LEPR: variants seen among roughly 807,000 people sequenced by gnomAD.
LEPR encodes OB receptor.
A neutral mutation model predicts 114.7 loss-of-function variants in LEPR; 56 were observed. The observed-to-expected ratio is 0.49, with a 90% CI of 0.39 to 0.61. LEPR has a LOEUF of 0.61. Among genes scored for constraint, LEPR ranks in the 20% least tolerant of loss-of-function variants. The probability of loss-of-function intolerance (pLI) is 0.00; values close to 1 mark genes in which losing one functional copy is unlikely to be tolerated. For synonymous variants in LEPR, 443 were observed against 461.4 expected (o/e 0.96, Z 0.51); for missense variants, 1,202 against 1,352.9 (o/e 0.89, Z 1.75).
chr1:65,525,633 A>G, intron 2 of LEPR: 2 of 985,342 alleles, frequency 2.0e-6, no homozygotes, highest in Non-Finnish European at 2.4e-6. Flanking sequence ...GCTCCTGCTC[A>G]GCCCCACCTC....
chr1:65,489,867 T>C (rs1647773211), intron 2 of LEPR, among the ~76,000 whole-genome samples: 1 of 152,140 alleles, frequency 6.6e-6, no homozygotes. Context: ...TTCAGTTTTA[T>C]GGGTGAGAGG....
intron 2 of LEPR, among the ~76,000 whole-genome samples, chr1:65,551,746 A>G (rs1652386108): frequency 6.6e-6 from 1 of 152,030 alleles, no homozygotes; most frequent in Non-Finnish European, 1.5e-5. Flanking sequence ...GTCTTCTGCT[A>G]GCTTTTGAAT....
chr1:65,465,142 C>G (rs548839848), intron 2 of LEPR, among the ~76,000 whole-genome samples: 7 of 152,172 alleles, frequency 4.6e-5, no homozygotes, highest in South Asian at 2.1e-4. Flanking sequence ...GATATTTCCT[C>G]CTTTCTCTTG....
At chr1:65,571,021 C>T (rs1454632348) in intron 4 of LEPR, among the ~76,000 whole-genome samples, 1 of 152,080 alleles carries the variant, frequency 6.6e-6, no homozygotes, top group Non-Finnish European at 1.5e-5. Context: ...CTTTTAAGTA[C>T]ATTCCTTGTA....
chr1:65,453,796 G>A (rs1257693425), intron 2 of LEPR, among the ~76,000 whole-genome samples: 1 of 152,090 alleles, frequency 6.6e-6, no homozygotes, highest in Non-Finnish European at 1.5e-5. Flanking sequence ...TGTCTATTAG[G>A]TCCGCTTGGT....
intron 2 of LEPR, among the ~76,000 whole-genome samples, chr1:65,502,203 C>T (rs1648486077): frequency 6.6e-6 from 1 of 152,000 alleles, no homozygotes; most frequent in African/African-American, 2.4e-5. Context: ...TTAAGGTGAA[C>T]CCTAATGTAA....
chr1:65,569,312 C>T (rs1653988803), intron 3 of LEPR, among the ~76,000 whole-genome samples: 1 of 152,176 alleles, frequency 6.6e-6, no homozygotes, highest in South Asian at 2.1e-4. Context: ...AATTCGTATT[C>T]TGCATTAGTG....
At chr1:65,613,021 G>A (rs188562643) in intron 14 of LEPR, among the ~76,000 whole-genome samples, 39 of 152,232 alleles carry the variant, frequency 2.6e-4, no homozygotes, top group Admixed American at 2.0e-3. Flanking sequence ...AGGAGTAGGA[G>A]TCATGTTCCA....
At chr1:65,516,629 A>G (rs1238794070) in intron 2 of LEPR, among the ~76,000 whole-genome samples, 1 of 152,234 alleles carries the variant, frequency 6.6e-6, no homozygotes, top group Non-Finnish European at 1.5e-5. Context: ...TTTCTCTTCT[A>G]ATGTTTACTT....
chr1:65,482,006 A>T (rs138121380), intron 2 of LEPR, among the ~76,000 whole-genome samples: 300 of 152,188 alleles, frequency 2.0e-3, no homozygotes, highest in African/African-American at 7.1e-3. Context: ...AAGTTTAGAT[A>T]AGTTGTTGGA....
chr1:65,610,032 G>C lies in LEPR; in HGVS notation c.1838G>C (p.Cys613Ser). ...GCAGTCTATGCTGTTCAGGTGCGCT[G>C]TAAGAGGCTAGATGGACTGGGATAT... ...LCAVYAVQVR[C>S]KRLDGLGYWS... is the part of the protein sequence containing the mutation. The change falls in exon 13 of 20, where the codon TGT becomes TCT. Residue 613 changes from cysteine to serine, a missense_variant. Physicochemically the swap from Cys to Ser is moderately radical, Grantham distance 112 (BLOSUM62 -1). Coordinates refer to ENST00000349533, the MANE Select transcript of LEPR (RefSeq NM_002303.6). 1 of 1,614,228 alleles carries C rather than the reference G, an allele frequency of 6.2e-7. No individual in the cohort carries two copies.
chr1:65,610,354 T>C (rs1657089430), intron 14 of LEPR, 58 bp downstream of exon 14: 1 of 1,370,750 alleles, frequency 7.3e-7, no homozygotes, highest in Non-Finnish European at 1.0e-6. Flanking sequence ...AAAAATTTAC[T>C]TCATGGTCCA....
intron 2 of LEPR, among the ~76,000 whole-genome samples, chr1:65,530,904 C>A (rs138145083): frequency 6.6e-6 from 1 of 152,164 alleles, no homozygotes; most frequent in Non-Finnish European, 1.5e-5. Flanking sequence ...TCAACTCTCA[C>A]GTGAGTTATT....
chr1:65,625,629 G>T (rs952840863), intron 19 of LEPR, among the ~76,000 whole-genome samples: 8 of 152,098 alleles, frequency 5.3e-5, no homozygotes, highest in Non-Finnish European at 8.8e-5. Context: ...CGCTTATAAT[G>T]TGGGAACCTG....
chr1:65,580,489 G>A (rs776597953), intron 5 of LEPR, among the ~76,000 whole-genome samples: 7 of 152,242 alleles, frequency 4.6e-5, no homozygotes, highest in Non-Finnish European at 1.0e-4. Context: ...TTAAGGGAAA[G>A]CTTTGTTTGG....
intron 2 of LEPR, among the ~76,000 whole-genome samples, chr1:65,532,511 T>C (rs896583589): frequency 2.0e-5 from 3 of 152,118 alleles, no homozygotes; most frequent in Non-Finnish European, 4.4e-5. Flanking sequence ...AAAATATACA[T>C]CCACACAAAA....
chr1:65,480,673 A>G (rs1647214652), intron 2 of LEPR, among the ~76,000 whole-genome samples: 1 of 152,138 alleles, frequency 6.6e-6, no homozygotes, highest in African/African-American at 2.4e-5. Flanking sequence ...TATATTAAAG[A>G]TATATACATG....
rs995563279 is a variant in LEPR at position 65,618,531 on chromosome 1, A to G, written c.2395+385A>G. Among the ~76,000 whole-genome samples, 4 of 151,762 alleles carry G rather than the reference A, an allele frequency of 2.6e-5. No homozygotes were observed. The East Asian group carries it at 5.8e-4, about 22-fold the overall frequency. ...TTTTTGGTAGAGACAAGGTCTCACT[A>G]TGTTGCTCAGGCTGGTCTTGAACTC... On this transcript the variant is annotated intron_variant, in intron 16 of 19. Coordinates refer to ENST00000349533, the MANE Select transcript of LEPR (RefSeq NM_002303.6).
At chr1:65,551,932 C>T (rs1251950553) in intron 2 of LEPR, among the ~76,000 whole-genome samples, 1 of 152,152 alleles carries the variant, frequency 6.6e-6, no homozygotes, top group East Asian at 1.9e-4. Flanking sequence ...TTTCAAAGAA[C>T]ATCTTTATTT....
Sources: gnomAD v4.1 joint callset for allele counts (sites outside exome capture counted in the v4.1 genomes callset) on GRCh38, gnomAD v4.1.1 for gene constraint, MANE v1.5 for transcripts, NCBI Gene and HGNC (gene_info 2026-07-23, HGNC 2026-07-21) for gene names.